Variants in ATP10B observed in about 807,000 individuals in gnomAD.
The protein encoded by ATP10B is ATPase phospholipid transporting 10B (putative).
In ATP10B, 122 loss-of-function variants were observed where a neutral mutation model predicts 141.2. The ratio of observed to expected loss-of-function variants is 0.86; its 90% confidence interval spans 0.75 to 1.00. The LOEUF is 1.00. Ranked by LOEUF, ATP10B falls within the 50% of genes least tolerant of loss-of-function variation. The pLI, the probability that ATP10B is intolerant of heterozygous loss-of-function variation, is 0.00. For synonymous variants in ATP10B, 685 were observed against 692.0 expected (o/e 0.99, Z 0.16); for missense variants, 1,876 against 1,825.3 (o/e 1.03, Z -0.51).
chr5:160,778,450 CATAAT>C (rs1203110377), intron 2 of ATP10B, among the ~76,000 whole-genome samples: 3 of 152,140 alleles, frequency 2.0e-5, no homozygotes, highest in African/African-American at 4.8e-5. Flanking sequence ...TTCAAAAACT[CATAAT>C]AGAGCAAAGA....
intron 1 of ATP10B, among the ~76,000 whole-genome samples, chr5:160,846,652 T>C (rs1332115208): frequency 6.6e-6 from 1 of 152,172 alleles, no homozygotes; most frequent in African/African-American, 2.4e-5. Context: ...CAGCGCTTAG[T>C]AGGTACCACC....
chr5:160,701,511 G>C (rs1417360743), intron 3 of ATP10B, among the ~76,000 whole-genome samples: 5 of 152,068 alleles, frequency 3.3e-5, no homozygotes, highest in Non-Finnish European at 7.4e-5. Flanking sequence ...CCTTAGTTCT[G>C]GGTAGTGAAC....
chr5:160,899,718 T>C, the ATP10B span, among the ~76,000 whole-genome samples: 1 of 152,176 alleles, frequency 6.6e-6, no homozygotes, highest in African/African-American at 2.4e-5. Context: ...ATACCTTGAG[T>C]AAGCTGTTAA....
At chr5:160,783,785 T>G (rs944937331) in intron 2 of ATP10B, among the ~76,000 whole-genome samples, 2 of 152,052 alleles carry the variant, frequency 1.3e-5, no homozygotes, top group African/African-American at 4.8e-5. Context: ...GTAGTTCTAC[T>G]TTTAGTTCTT....
rs1485578951 is a variant in ATP10B, at chr5:160,785,805, T to C, written c.-575-2A>G. ...TCTGATTCTCTTGTCAAAGGAAGCC[T>C]GCACGACACAGGACAGAAAAGAAAT... On this transcript the variant is annotated splice_acceptor_variant, in intron 1 of 25. Coordinates refer to ENST00000327245, the MANE Select transcript of ATP10B (RefSeq NM_025153.3). LOFTEE classifies it low-confidence loss of function (5UTR_SPLICE). The C allele has an allele frequency of 7.6e-6, 4 of 527,506 alleles. No homozygotes were observed. In the East Asian group the frequency reaches 2.9e-4, roughly 38 times the overall value. The allele number at this position is 527,506 out of a possible 1,614,324, so 32.7% of individuals were successfully genotyped here.
intron 8 of ATP10B, among the ~76,000 whole-genome samples, chr5:160,648,230 G>A (rs1452289096): frequency 6.6e-6 from 1 of 152,194 alleles, no homozygotes; most frequent in Non-Finnish European, 1.5e-5. Flanking sequence ...GTTATAGCAA[G>A]CTTGTCCAAC....
At chr5:160,639,709 C>T (rs1447654637) in intron 10 of ATP10B, among the ~76,000 whole-genome samples, 1 of 152,140 alleles carries the variant, frequency 6.6e-6, no homozygotes, top group Non-Finnish European at 1.5e-5. Flanking sequence ...AATTTTTCCA[C>T]AGTCAGTGGG....
intron 2 of ATP10B, among the ~76,000 whole-genome samples, chr5:160,732,758 C>G (rs1348025137): frequency 1.3e-5 from 2 of 152,114 alleles, no homozygotes; most frequent in African/African-American, 4.8e-5. Context: ...TCATTTTGCT[C>G]AGAATTTCTT....
the ATP10B span, among the ~76,000 whole-genome samples, chr5:160,925,857 A>C: frequency 6.6e-6 from 1 of 151,406 alleles, no homozygotes; most frequent in East Asian, 1.9e-4. Context: ...GGTAAACAAG[A>C]CAAGTGGACA....
intron 6 of ATP10B, among the ~76,000 whole-genome samples, chr5:160,685,678 C>T (rs937682871): frequency 2.6e-5 from 4 of 152,204 alleles, no homozygotes; most frequent in Non-Finnish European, 5.9e-5. Context: ...GAGTTTAATT[C>T]TTAAGCTTTC....
the ATP10B span, among the ~76,000 whole-genome samples, chr5:160,865,373 G>A: frequency 1.3e-5 from 2 of 152,056 alleles, no homozygotes; most frequent in African/African-American, 4.8e-5. Context: ...CAAGCCACAT[G>A]TAAAAGAATA....
chr5:160,894,745 TAA>T, the ATP10B span, among the ~76,000 whole-genome samples: 3 of 152,192 alleles, frequency 2.0e-5, no homozygotes, highest in East Asian at 5.8e-4. Flanking sequence ...CCAAGATGCA[TAA>T]TCGCCAGATT....
At chr5:160,789,419 C>T (rs1458747869) in intron 1 of ATP10B, among the ~76,000 whole-genome samples, 2 of 152,084 alleles carry the variant, frequency 1.3e-5, no homozygotes, top group African/African-American at 4.8e-5. Flanking sequence ...AGACTACAAA[C>T]CTGTACAGCA....
At chr5:160,579,673 TTAAAG>T (rs1348793069) in intron 24 of ATP10B, among the ~76,000 whole-genome samples, 1 of 152,190 alleles carries the variant, frequency 6.6e-6, no homozygotes, top group African/African-American at 2.4e-5. Flanking sequence ...CATATGAAAT[TTAAAG>T]TAGATTTTTC....
At chr5:160,780,236 A>G (rs1770623709) in intron 2 of ATP10B, among the ~76,000 whole-genome samples, 1 of 152,190 alleles carries the variant, frequency 6.6e-6, no homozygotes, top group Admixed American at 6.5e-5. Context: ...TGGAGGAGAT[A>G]AGCCTAGAAG....
chr5:160,780,551 T>A (rs902615109), intron 2 of ATP10B, among the ~76,000 whole-genome samples: 3 of 152,166 alleles, frequency 2.0e-5, no homozygotes, highest in Admixed American at 1.3e-4. Flanking sequence ...CAACTTCACT[T>A]CTATCTGTGC....
chr5:160,673,087 A>G (rs1762813491), intron 6 of ATP10B, among the ~76,000 whole-genome samples: 1 of 152,232 alleles, frequency 6.6e-6, no homozygotes, highest in Non-Finnish European at 1.5e-5. Context: ...CTGGGAGCTC[A>G]GTGCAGCAGA....
intron 1 of ATP10B, among the ~76,000 whole-genome samples, chr5:160,823,087 T>A (rs1173861200): frequency 1.4e-5 from 2 of 141,812 alleles, no homozygotes; most frequent in South Asian, 4.5e-4. Context: ...GCTGAGGTGA[T>A]AGATACCCCC....
chr5:160,851,590 G>A (rs1051179912), intron 1 of ATP10B, among the ~76,000 whole-genome samples: 1 of 152,134 alleles, frequency 6.6e-6, no homozygotes, highest in African/African-American at 2.4e-5. Context: ...TCTGCTTTGA[G>A]AAGAAGGCTG....
Sources: gnomAD v4.1 joint callset for allele counts (sites outside exome capture counted in the v4.1 genomes callset) on GRCh38, gnomAD v4.1.1 for gene constraint, MANE v1.5 for transcripts, NCBI Gene and HGNC (gene_info 2026-07-23, HGNC 2026-07-21) for gene names.